The following NDUFS7 variants were observed in gnomAD, a reference collection of about 807,000 sequenced individuals.
The protein encoded by NDUFS7 is NADH dehydrogenase [ubiquinone] iron-sulfur protein 7, mitochondrial.
Under a neutral mutation model 31.1 loss-of-function variants are expected in NDUFS7, and 11 were observed. The observed-to-expected ratio is 0.35, with a 90% CI of 0.22 to 0.59. The LOEUF (loss-of-function observed/expected upper bound fraction) is 0.59. NDUFS7 is among the 20% of genes least tolerant of loss of function. The probability of loss-of-function intolerance (pLI) is 0.79; values close to 1 mark genes in which losing one functional copy is unlikely to be tolerated. For missense variants in NDUFS7, 263 were observed against 324.2 expected (o/e 0.81, Z 1.45); for synonymous variants, 136 against 127.9 (o/e 1.06, Z -0.43).
chr19:1,389,100 T>C (rs1471215427), intron 4 of NDUFS7, 162 bp downstream of exon 4: 6 of 731,696 alleles, frequency 8.2e-6, no homozygotes, highest in Non-Finnish European at 2.4e-6. Flanking sequence ...TATGGACAGA[T>C]GTGTACACGG....
chr19:1,393,572 C>T lies in NDUFS7; in HGVS notation c.544+242C>T. 3.1e-6 allele frequency: 2 copies of T among 642,716 alleles called. No homozygotes were observed. The highest frequency in any genetic ancestry group is 2.2e-5 in the Admixed American group (1 of 44,554). The allele number at this position is 642,716 out of a possible 1,614,324, so 39.8% of individuals were successfully genotyped here. A position where few individuals can be genotyped will look rare whatever the true frequency, so the allele number is the denominator to read the frequency against. On this transcript the variant is annotated intron_variant, in intron 7 of 7. Transcript: ENST00000233627. The surrounding 1 kb of genome is among the most constrained non-coding windows in gnomAD (Gnocchi z 7.3). ...GGGAAGCTGAGTGGAATTCCTGACA[C>T]ACGCCTGGTTTACAGCAGTTTCATA...
intron 4 of NDUFS7, chr19:1,389,148 C>T (rs2082532484): frequency 1.4e-6 from 1 of 702,222 alleles, no homozygotes; most frequent in South Asian, 1.5e-5. Context: ...CACATATGCA[C>T]ACTCGCACAC....
chr19:1,392,342 T>TC (rs1254482093), intron 6 of NDUFS7: 1 of 152,146 alleles, frequency 6.6e-6, no homozygotes, highest in Non-Finnish European at 1.5e-5. Context: ...AGAGATCAGG[T>TC]CTTGATAAGT....
At chr19:1,394,505 G>A (rs1440154943) in intron 7 of NDUFS7, 1 of 1,241,758 alleles carries the variant, frequency 8.1e-7, no homozygotes, top group East Asian at 6.9e-5. Context: ...CCCTCCTTGG[G>A]GACCGTGCTC....
chr19:1,393,769 A>G lies in NDUFS7; in HGVS notation c.544+439A>G. The G allele has an allele frequency of 2.2e-6, 1 of 464,226 alleles. No homozygotes were observed. Among genetic ancestry groups the G allele is most frequent in the Non-Finnish European group, 3.9e-6 (1 of 254,360 alleles). The allele number at this position is 464,226 out of a possible 1,614,324, so 28.8% of individuals were successfully genotyped here. A position where few individuals can be genotyped will look rare whatever the true frequency, so the allele number is the denominator to read the frequency against. On this transcript the variant is annotated intron_variant, in intron 7 of 7. Coordinates refer to ENST00000233627, the MANE Select transcript of NDUFS7 (RefSeq NM_024407.5). This position sits in a 1 kb window ranked among gnomAD's most constrained non-coding sequence, Gnocchi z 7.3. ...ATGAAAACGTGGGAGGCTTAGTTTG[A>G]CTGTGAGGTTAGGGTGAATTTGACC...
At chr19:1,389,035 C>A in intron 4 of NDUFS7, 97 bp downstream of exon 4, 1 of 991,640 alleles carries the variant, frequency 1.0e-6, no homozygotes. Flanking sequence ...GACACGTACA[C>A]ACACAACACA....
chr19:1,389,597 T>G, intron 4 of NDUFS7: 1 of 442,662 alleles, frequency 2.3e-6, no homozygotes, highest in South Asian at 1.6e-5. Context: ...GTGTTTTAAG[T>G]TAAAAGGAGC....
At position 1,393,448 on chromosome 19, in the gene NDUFS7, CT is replaced by C; in HGVS notation, c.544+119del. On this transcript the variant is annotated intron_variant, in intron 7 of 7. Transcript: ENST00000233627. This position sits in a 1 kb window ranked among gnomAD's most constrained non-coding sequence, Gnocchi z 7.3. ...CCAGCAGACGGCGGGCTCCCCCATC[CT>C]ATGGATGGGCCGACTCGGAGCGCTG... The C allele has an allele frequency of 9.4e-6, 8 of 851,868 alleles. No individual in the cohort carries two copies. Among genetic ancestry groups the C allele is most frequent in the Non-Finnish European group, 1.5e-5 (8 of 522,828 alleles). The allele number at this position is 851,868 out of a possible 1,614,324, so 52.8% of individuals were successfully genotyped here.
At chr19:1,389,520 C>G (rs2082539668) in intron 4 of NDUFS7, 1 of 457,172 alleles carries the variant, frequency 2.2e-6, no homozygotes, top group Admixed American at 2.3e-5. Context: ...GAGATGACCC[C>G]TCCGTTTCCG....
At chr19:1,390,687 T>C (rs1313687198) in intron 4 of NDUFS7, 184 bp from the exon 5 acceptor site, 2 of 627,008 alleles carry the variant, frequency 3.2e-6, no homozygotes, top group Admixed American at 2.6e-5. Context: ...TGAATGTGGC[T>C]GGTGGGGCGC....
chr19:1,391,281 C>A, intron 6 of NDUFS7, 116 bp downstream of exon 6: 1 of 1,313,170 alleles, frequency 7.6e-7, no homozygotes, highest in East Asian at 2.5e-5. Flanking sequence ...CCACGTGGTC[C>A]CGGCGCTGCC....
intron 4 of NDUFS7, chr19:1,389,263 A>G (rs758165297): frequency 6.4e-6 from 4 of 623,098 alleles, no homozygotes; most frequent in Non-Finnish European, 1.2e-5. Context: ...GCACATATAC[A>G]CATGCACACG....
In NDUFS7 at chr19:1,395,524, C is replaced by T. The variant is rs1485617052; in HGVS notation, c.*36C>T. Reference sequence around the variant, plus strand: ...GCCGCCGCCGGAGCCTGTCGCCGTCCTGTCCCCAGCCTGCTTGTGTCCCGT... The same window carrying T: ...GCCGCCGCCGGAGCCTGTCGCCGTCTTGTCCCCAGCCTGCTTGTGTCCCGT... On this transcript the variant is annotated 3_prime_UTR_variant, in exon 8 of 8. Coordinates refer to ENST00000233627, the MANE Select transcript of NDUFS7 (RefSeq NM_024407.5). 3 of 1,552,924 alleles carry T rather than the reference C, an allele frequency of 1.9e-6. No homozygotes were observed. Among genetic ancestry groups the T allele is most frequent in the African/African-American group, 1.4e-5 (1 of 73,562 alleles).
At chr19:1,390,375 G>C (rs2082546625) in intron 4 of NDUFS7, 1 of 212,814 alleles carries the variant, frequency 4.7e-6, no homozygotes, top group Admixed American at 5.3e-5. Context: ...AGGTCTCAGA[G>C]CCGCGTGCAG....
chr19:1,389,066 C>A, intron 4 of NDUFS7, 128 bp downstream of exon 4: 2 of 803,190 alleles, frequency 2.5e-6, no homozygotes, highest in Non-Finnish European at 4.2e-6. Context: ...CTCACATGCG[C>A]ACATGTGCAT....
chr19:1,394,892 T>A, intron 7 of NDUFS7: 1 of 1,118,562 alleles, frequency 8.9e-7, no homozygotes, highest in Non-Finnish European at 1.1e-6. Flanking sequence ...CAGCCGGGAC[T>A]GGGGGATCCC....
intron 4 of NDUFS7, chr19:1,389,882 A>G: frequency 4.7e-6 from 1 of 211,716 alleles, no homozygotes; most frequent in South Asian, 6.3e-5. Flanking sequence ...AATGCAGGAT[A>G]GTTCTTTTCT....
rs1028420461 is a variant in NDUFS7, at chr19:1,394,580, AC to A, written c.545-809del. ...GGACCGCGCTCCTCCCTCCCTGCGGACCGCGCTCGGCCCTCCCTGGGGACCG... is the reference window on the plus strand; with the variant it reads ...GGACCGCGCTCCTCCCTCCCTGCGGACGCGCTCGGCCCTCCCTGGGGACCG... On this transcript the variant is annotated intron_variant, in intron 7 of 7. Transcript: ENST00000233627. The A allele has an allele frequency of 2.2e-4, 270 of 1,215,690 alleles. 2 individuals carry two copies. Among genetic ancestry groups the A allele is most frequent in the Admixed American group, 3.5e-4 (13 of 37,128 alleles). The allele number at this position is 1,215,690 out of a possible 1,614,324, so 75.3% of individuals were successfully genotyped here. A position where few individuals can be genotyped will look rare whatever the true frequency, so the allele number is the denominator to read the frequency against.
rs1006702206 is a variant in NDUFS7, at chr19:1,393,493, C to A, written c.544+163C>A. The A allele has an allele frequency of 7.0e-5, 49 of 701,070 alleles. No individual in the cohort carries two copies. In the African/African-American group the frequency reaches 7.9e-4, roughly 11 times the overall value. The allele number at this position is 701,070 out of a possible 1,614,324, so 43.4% of individuals were successfully genotyped here. On this transcript the variant is annotated intron_variant, in intron 7 of 7. Transcript: ENST00000233627. The surrounding 1 kb of genome is among the most constrained non-coding windows in gnomAD (Gnocchi z 7.3). The stretch of plus-strand genomic sequence containing the variant: ...AGCGCTGCCTCTTAGTGGAGCCTGT[C>A]CCCTGTGAGAAGTCGGCGATGTATT...
Sources: allele counts gnomAD v4.1 joint callset, GRCh38; gene constraint gnomAD v4.1.1; non-coding constraint Gnocchi (gnomAD v3.1); transcripts MANE v1.5; gene names NCBI Gene and HGNC (gene_info 2026-07-23, HGNC 2026-07-21).